The following STK3 variants were observed in gnomAD, a reference collection of about 807,000 sequenced individuals.
STK3 encodes serine/threonine kinase 3.
A neutral mutation model predicts 58.0 loss-of-function variants in STK3; 41 were observed. The observed-to-expected ratio is 0.71, with a 90% CI of 0.55 to 0.92. The LOEUF is 0.92. Ranked by LOEUF, STK3 falls within the 40% of genes least tolerant of loss-of-function variation. STK3 has a pLI of 0.00. For synonymous variants in STK3, 170 were observed against 191.0 expected, an observed-to-expected ratio of 0.89 and a Z score of 0.91; for missense variants, 479 against 602.7, an observed-to-expected ratio of 0.79 and a Z score of 2.15.
At chr8:98,567,066 C>G (rs914364999) in intron 8 of STK3, among the ~76,000 whole-genome samples, 1 of 152,022 alleles carries the variant, frequency 6.6e-6, no homozygotes, top group South Asian at 2.1e-4. Flanking sequence ...AATGCAACAA[C>G]CTTGACTTAA....
intron 1 of STK3, among the ~76,000 whole-genome samples, chr8:98,895,511 T>G (rs893055255): frequency 1.3e-5 from 2 of 152,200 alleles, no homozygotes; most frequent in Non-Finnish European, 2.9e-5. Flanking sequence ...TTCTTTTGAC[T>G]GATTACTGGG....
chr8:98,414,522 C>T (rs183758226), intron 3 of STK3, among the ~76,000 whole-genome samples: 1 of 152,324 alleles, frequency 6.6e-6, no homozygotes, highest in East Asian at 1.9e-4. Context: ...ACAAATAGAA[C>T]CTACACAAAG....
intron 4 of STK3, among the ~76,000 whole-genome samples, chr8:98,710,501 GC>G (rs1563917181): frequency 6.6e-6 from 1 of 152,186 alleles, no homozygotes; most frequent in Non-Finnish European, 1.5e-5. Context: ...TATATCCCGC[GC>G]CTGGCTTGGA....
upstream of STK3, among the ~76,000 whole-genome samples, chr8:98,828,437 C>CAAAAAAAAAAAAAAAA (rs367737626): frequency 2.1e-5 from 1 of 48,586 alleles, no homozygotes; most frequent in Non-Finnish European, 3.5e-5. Flanking sequence ...CCCATCTCTA[C>CAAAAAAAAAAAAAAAA]AAAAAAAAAA....
At chr8:98,635,377 C>T (rs1005875374) in intron 6 of STK3, among the ~76,000 whole-genome samples, 2 of 152,028 alleles carry the variant, frequency 1.3e-5, no homozygotes, top group African/African-American at 4.8e-5. Flanking sequence ...TCACCAAAAC[C>T]CTATGAGGAA....
chr8:98,825,126 C>T (rs1835164721), intron 1 of STK3, among the ~76,000 whole-genome samples: 1 of 152,222 alleles, frequency 6.6e-6, no homozygotes, highest in African/African-American at 2.4e-5. Context: ...CACTGTCTTG[C>T]ATCCATAAAT....
intron 3 of STK3, among the ~76,000 whole-genome samples, chr8:98,418,500 G>A (rs911803196): frequency 3.3e-5 from 5 of 152,184 alleles, no homozygotes; most frequent in South Asian, 2.1e-4. Context: ...GATGGGCAGC[G>A]GATGGGTAGG....
Position 98,642,404 on chromosome 8 carries a change from T to C in STK3, c.685-46235A>G, listed in dbSNP as rs574892582. ...ACATGAAGACATTAGTTACCATTTATTAAGTGCCTCCAGCAGGAGAGGCAC... is the reference window on the plus strand; with the variant it reads ...ACATGAAGACATTAGTTACCATTTACTAAGTGCCTCCAGCAGGAGAGGCAC... On this transcript the variant is annotated intron_variant, in intron 6 of 10. Coordinates refer to ENST00000419617, the MANE Select transcript of STK3 (RefSeq NM_006281.4). Among the ~76,000 whole-genome samples, 42 of 152,308 alleles carry C rather than the reference T, an allele frequency of 2.8e-4. 1 individual carries two copies. Among genetic ancestry groups the C allele is most frequent in the African/African-American group, 1.0e-3 (42 of 41,576 alleles).
At chr8:98,770,495 T>C (rs944276620) in intron 2 of STK3, among the ~76,000 whole-genome samples, 2 of 152,158 alleles carry the variant, frequency 1.3e-5, no homozygotes, top group Middle Eastern at 3.4e-3. Context: ...CAGTTGGGGG[T>C]GTCCCTAACA....
At chr8:98,776,552 C>T (rs1831690730) in intron 1 of STK3, among the ~76,000 whole-genome samples, 1 of 152,178 alleles carries the variant, frequency 6.6e-6, no homozygotes. Flanking sequence ...AGCCTACTTG[C>T]AGCAGTGAAC....
intron 3 of STK3, among the ~76,000 whole-genome samples, chr8:98,860,293 T>C (rs189272192): frequency 1.3e-5 from 2 of 152,294 alleles, no homozygotes; most frequent in East Asian, 1.9e-4. Flanking sequence ...TGGTGGTTCC[T>C]TTATATGGAA....
At chr8:98,516,061 ATAAAC>A (rs1563689816) in intron 10 of STK3, among the ~76,000 whole-genome samples, 3 of 152,120 alleles carry the variant, frequency 2.0e-5, no homozygotes, top group Non-Finnish European at 4.4e-5. Flanking sequence ...ATATATGTAG[ATAAAC>A]TTCACACACC....
At position 98,730,715 on chromosome 8, in the gene STK3, C is replaced by CAAAAAA. The variant is rs36085293; in HGVS notation, c.351+18555_351+18560dup. Among the ~76,000 whole-genome samples the CAAAAAA allele has an allele frequency of 2.2e-3, 149 of 66,374 alleles. 2 individuals carry two copies. The highest frequency in any genetic ancestry group is 9.6e-3 in the Middle Eastern group (1 of 104). 43.5% of individuals were successfully genotyped at this position (66,374 alleles called of 152,430 possible). A position where few individuals can be genotyped will look rare whatever the true frequency, so the allele number is the denominator to read the frequency against. Reference sequence around the variant, plus strand: ...TGAACAACAGGGCAAGACTCCGTCTCAAAAAAAAAAAAAAAAAAAAAAACA... The same window carrying CAAAAAA: ...TGAACAACAGGGCAAGACTCCGTCTCAAAAAAAAAAAAAAAAAAAAAAAAAAAAACA... On this transcript the variant is annotated intron_variant, in intron 4 of 10. Transcript: ENST00000419617.
chr8:98,383,844 T>G (rs1817763794), intron 1 of STK3, among the ~76,000 whole-genome samples: 1 of 152,238 alleles, frequency 6.6e-6, no homozygotes, highest in Non-Finnish European at 1.5e-5. Flanking sequence ...TTCCCAAGGA[T>G]GTACAATTTT....
At chr8:98,896,701 A>G (rs554712179) in intron 1 of STK3, among the ~76,000 whole-genome samples, 3 of 152,330 alleles carry the variant, frequency 2.0e-5, no homozygotes, top group South Asian at 2.1e-4. Flanking sequence ...TGTCTGGGCC[A>G]GGTGCAATGG....
chr8:98,429,111 G>C (rs374343304), intron 3 of STK3: 1 of 1,613,460 alleles, frequency 6.2e-7, no homozygotes, highest in Non-Finnish European at 8.5e-7. Flanking sequence ...AGTGGGGTAC[G>C]GGGATGTGGT....
chr8:98,846,590 T>G (rs1007909482), intron 3 of STK3, among the ~76,000 whole-genome samples: 1 of 152,180 alleles, frequency 6.6e-6, no homozygotes, highest in Non-Finnish European at 1.5e-5. Flanking sequence ...GCAAAACTAG[T>G]TCCCAGTAGC....
At position 98,419,945 on chromosome 8, in the gene STK3, C is replaced by G. The variant is rs147258975; in HGVS notation, n.483+14182G>C. Among the ~76,000 whole-genome samples, 293 of 152,246 alleles carry G rather than the reference C, an allele frequency of 1.9e-3. 9 individuals are homozygous for G. In the East Asian group the frequency reaches 0.045, roughly 23 times the overall value. On this transcript the variant is annotated intron_variant and non_coding_transcript_variant, in intron 3 of 3. Coordinates refer to the STK3 transcript ENST00000517832. ...GGAAAGGATTCTGGGGCCCTGGGAG[C>G]TGGCAGAGATCTAGATGGAAGGATA...
At chr8:98,590,340 C>T (rs533025688) in intron 7 of STK3, among the ~76,000 whole-genome samples, 17 of 152,074 alleles carry the variant, frequency 1.1e-4, no homozygotes, top group East Asian at 1.9e-4. Context: ...TAAGAGTTAC[C>T]GAAAGCTCGG....
Sources: allele counts gnomAD v4.1 joint callset (sites outside exome capture counted in the v4.1 genomes callset), GRCh38; gene constraint gnomAD v4.1.1; transcripts MANE v1.5; gene names NCBI Gene and HGNC (gene_info 2026-07-23, HGNC 2026-07-21).